The following GALNTL6 variants were observed in gnomAD, a reference collection of about 807,000 sequenced individuals.
The protein encoded by GALNTL6 is polypeptide N-acetylgalactosaminyltransferase-like 6.
In GALNTL6, 46 loss-of-function variants were observed where a neutral mutation model predicts 73.7. The observed-to-expected ratio is 0.62, with a 90% CI of 0.49 to 0.80. The LOEUF (loss-of-function observed/expected upper bound fraction) is 0.80. Ranked by LOEUF, GALNTL6 falls within the 30% of genes least tolerant of loss-of-function variation. The probability of loss-of-function intolerance (pLI) is 0.00; values close to 1 mark genes in which losing one functional copy is unlikely to be tolerated. For synonymous variants in GALNTL6, 259 were observed against 263.7 expected (o/e 0.98, Z 0.17); for missense variants, 604 against 755.0 (o/e 0.80, Z 2.34).
chr4:172,948,250 T>G (rs1001107251), intron 9 of GALNTL6, among the ~76,000 whole-genome samples: 3 of 152,200 alleles, frequency 2.0e-5, no homozygotes, highest in African/African-American at 7.2e-5. Flanking sequence ...TATGTAACAC[T>G]TATAGCTAGA....
chr4:171,864,217 T>C (rs914203618), intron 2 of GALNTL6, among the ~76,000 whole-genome samples: 2 of 152,008 alleles, frequency 1.3e-5, no homozygotes, highest in East Asian at 3.8e-4. Flanking sequence ...GAAATAATTA[T>C]CTATAGAATA....
chr4:172,636,195 A>C (rs1354622749), intron 5 of GALNTL6, among the ~76,000 whole-genome samples: 1 of 152,238 alleles, frequency 6.6e-6, no homozygotes, highest in Non-Finnish European at 1.5e-5. Flanking sequence ...GTTGGAAGTT[A>C]CTAAGATAAT....
intron 5 of GALNTL6, among the ~76,000 whole-genome samples, chr4:172,696,821 A>G (rs907113904): frequency 6.6e-6 from 1 of 152,204 alleles, no homozygotes; most frequent in Non-Finnish European, 1.5e-5. Context: ...TAAGAGAAAA[A>G]AATCATCACT....
At chr4:172,034,080 T>C (rs750696746) in intron 2 of GALNTL6, among the ~76,000 whole-genome samples, 12 of 152,112 alleles carry the variant, frequency 7.9e-5, no homozygotes, top group Non-Finnish European at 1.3e-4. Context: ...CCAAACAAGA[T>C]GTTTTACCAT....
At chr4:172,007,129 G>T (rs1740867485) in intron 2 of GALNTL6, among the ~76,000 whole-genome samples, 1 of 151,878 alleles carries the variant, frequency 6.6e-6, no homozygotes, top group Non-Finnish European at 1.5e-5. Flanking sequence ...GTCACATTTT[G>T]TGTCTGTCAG....
chr4:172,018,477 C>A (rs1741280415), intron 2 of GALNTL6, among the ~76,000 whole-genome samples: 1 of 151,888 alleles, frequency 6.6e-6, no homozygotes, highest in South Asian at 2.1e-4. Context: ...GTATAGTTTG[C>A]CAGGGAAGTT....
chr4:171,879,754 G>A (rs1487095246), intron 2 of GALNTL6, among the ~76,000 whole-genome samples: 1 of 152,140 alleles, frequency 6.6e-6, no homozygotes, highest in Non-Finnish European at 1.5e-5. Flanking sequence ...AGAAATATTA[G>A]AAATAGTTTT....
intron 2 of GALNTL6, among the ~76,000 whole-genome samples, chr4:172,012,592 C>T (rs1015872622): frequency 5.3e-5 from 8 of 152,042 alleles, no homozygotes; most frequent in African/African-American, 1.9e-4. Flanking sequence ...TGTAAACCCT[C>T]TCCTGAGGTT....
chr4:172,379,268 C>T (rs528115491), intron 5 of GALNTL6, among the ~76,000 whole-genome samples: 7 of 152,268 alleles, frequency 4.6e-5, no homozygotes, highest in South Asian at 2.1e-4. Flanking sequence ...CGGTGGCTCA[C>T]GCCTGTAATC....
chr4:172,567,180 ATT>A (rs112128354), intron 5 of GALNTL6, among the ~76,000 whole-genome samples: 2 of 150,038 alleles, frequency 1.3e-5, no homozygotes, highest in African/African-American at 2.5e-5. Context: ...ACTCATTAGT[ATT>A]TTTTTTTTCT....
intron 5 of GALNTL6, among the ~76,000 whole-genome samples, chr4:172,632,832 TG>T (rs1739457805): frequency 6.6e-6 from 1 of 152,190 alleles, no homozygotes; most frequent in Admixed American, 6.5e-5. Context: ...CATGCAGCCT[TG>T]GGGCATGGTG....
chr4:171,850,362 C>T (rs1735489237), intron 2 of GALNTL6, among the ~76,000 whole-genome samples: 1 of 152,200 alleles, frequency 6.6e-6, no homozygotes, highest in Admixed American at 6.5e-5. Flanking sequence ...AGTCCATGGT[C>T]AGCGATCTTA....
chr4:172,836,688 G>T (rs1159147143), intron 7 of GALNTL6, among the ~76,000 whole-genome samples: 1 of 152,228 alleles, frequency 6.6e-6, no homozygotes, highest in African/African-American at 2.4e-5. Context: ...TCTATATTTA[G>T]AAGAACACAG....
intron 2 of GALNTL6, among the ~76,000 whole-genome samples, chr4:172,026,370 C>T (rs1349622744): frequency 6.6e-6 from 1 of 152,006 alleles, no homozygotes; most frequent in Non-Finnish European, 1.5e-5. Context: ...CATCTATTGA[C>T]AGATATTAAG....
Position 172,889,169 on chromosome 4 carries a change from C to T in GALNTL6, c.1041+6262C>T, listed in dbSNP as rs186338650. 2.7e-4 allele frequency among the ~76,000 whole-genome samples: 41 copies of T among 152,168 alleles called. No homozygotes were observed. The East Asian group carries it at 3.3e-3, about 12-fold the overall frequency. On this transcript the variant is annotated intron_variant, in intron 8 of 12. Coordinates refer to ENST00000506823, the MANE Select transcript of GALNTL6 (RefSeq NM_001034845.3). The stretch of plus-strand genomic sequence containing the variant: ...TCTGTAAGCCATTTGGCAGAGTCTG[C>T]GGGGTTTTCTAAGCATAGAATCATA...
chr4:172,340,660 A>G (rs760183018), intron 4 of GALNTL6, among the ~76,000 whole-genome samples: 3 of 152,248 alleles, frequency 2.0e-5, no homozygotes, highest in Non-Finnish European at 2.9e-5. Context: ...GTTTGATACT[A>G]TAAGATCTTG....
intron 7 of GALNTL6, among the ~76,000 whole-genome samples, chr4:172,881,909 CG>C (rs2111190318): frequency 6.6e-6 from 1 of 152,012 alleles, no homozygotes; most frequent in Admixed American, 6.6e-5. Context: ...ACCTCTTCTG[CG>C]TGATTCCTCA....
chr4:172,763,740 C>G (rs1358185564), intron 5 of GALNTL6, among the ~76,000 whole-genome samples: 7 of 152,166 alleles, frequency 4.6e-5, no homozygotes, highest in African/African-American at 1.7e-4. Flanking sequence ...AGTGCTTAAA[C>G]AAGCGGCTTA....
intron 5 of GALNTL6, among the ~76,000 whole-genome samples, chr4:172,608,678 T>C (rs937772488): frequency 2.6e-5 from 4 of 152,138 alleles, no homozygotes; most frequent in African/African-American, 9.7e-5. Context: ...CTGTGAAAAA[T>C]GTCATTGTTT....
Sources: allele counts gnomAD v4.1 joint callset (sites outside exome capture counted in the v4.1 genomes callset), GRCh38; gene constraint gnomAD v4.1.1; transcripts MANE v1.5; gene names NCBI Gene and HGNC (gene_info 2026-07-23, HGNC 2026-07-21).